Variants in OPCML observed in about 807,000 individuals in gnomAD.
The protein encoded by OPCML is opioid-binding protein/cell adhesion molecule.
Under a neutral mutation model 37.8 loss-of-function variants are expected in OPCML, and 13 were observed. The ratio of observed to expected loss-of-function variants is 0.34; its 90% confidence interval spans 0.22 to 0.55. The LOEUF (loss-of-function observed/expected upper bound fraction) is 0.55. OPCML is among the 20% of genes least tolerant of loss of function. The pLI is 0.91. For synonymous variants in OPCML, 176 were observed against 168.8 expected (o/e 1.04, Z -0.33); for missense variants, 341 against 435.6 (o/e 0.78, Z 1.93).
chr11:132,437,103 G>T (rs1185204397), intron 5 of OPCML, 119 bp downstream of exon 5: 28 of 1,465,160 alleles, frequency 1.9e-5, no homozygotes, highest in Non-Finnish European at 2.5e-5. Context: ...ATCTGATGAA[G>T]TATTTTCCTG....
intron 1 of OPCML, among the ~76,000 whole-genome samples, chr11:133,396,467 C>T (rs1473597842): frequency 6.6e-6 from 1 of 152,084 alleles, no homozygotes; most frequent in Admixed American, 6.5e-5. Context: ...GGCTAAGGGA[C>T]ACGATTTGTC....
chr11:132,704,538 A>G (rs1943956323), intron 2 of OPCML, among the ~76,000 whole-genome samples: 2 of 152,226 alleles, frequency 1.3e-5, no homozygotes, highest in Non-Finnish European at 2.9e-5. Flanking sequence ...ATTGGAATGG[A>G]ATAGGTAAAT....
At chr11:133,519,207 C>T (rs1043794004) in intron 1 of OPCML, among the ~76,000 whole-genome samples, 1 of 152,194 alleles carries the variant, frequency 6.6e-6, no homozygotes, top group Non-Finnish European at 1.5e-5. Flanking sequence ...CACTTTCTTC[C>T]TAACTTTCTG....
intron 1 of OPCML, among the ~76,000 whole-genome samples, chr11:133,325,315 C>T (rs1266826383): frequency 2.0e-5 from 3 of 152,166 alleles, no homozygotes; most frequent in Admixed American, 6.5e-5. Context: ...ATTAGATTGC[C>T]GGATGGCATT....
intron 4 of OPCML, among the ~76,000 whole-genome samples, chr11:132,490,996 A>C (rs2096214038): frequency 6.6e-6 from 1 of 151,998 alleles, no homozygotes; most frequent in African/African-American, 2.4e-5. Context: ...CCTCGGACTC[A>C]CTTTTGAGTC....
intron 1 of OPCML, among the ~76,000 whole-genome samples, chr11:133,476,131 T>C (rs940288465): frequency 6.6e-6 from 1 of 152,218 alleles, no homozygotes; most frequent in Non-Finnish European, 1.5e-5. Context: ...GACCAAGGCA[T>C]GTCTGGAAAA....
At chr11:132,564,441 C>T (rs2096417660) in intron 3 of OPCML, among the ~76,000 whole-genome samples, 1 of 152,194 alleles carries the variant, frequency 6.6e-6, no homozygotes, top group Admixed American at 6.5e-5. Context: ...AATCAGAGAA[C>T]ACATCTCTTA....
chr11:133,494,170 G>A (rs972970085), intron 1 of OPCML, among the ~76,000 whole-genome samples: 2 of 152,144 alleles, frequency 1.3e-5, no homozygotes, highest in South Asian at 2.1e-4. Context: ...ACCACAATGA[G>A]ATACCATCTC....
intron 1 of OPCML, among the ~76,000 whole-genome samples, chr11:133,479,906 T>G (rs1383767536): frequency 3.3e-5 from 5 of 152,210 alleles, no homozygotes; most frequent in African/African-American, 1.2e-4. Flanking sequence ...AGCACTGATC[T>G]CTAAGCTTGC....
At position 133,429,783 on chromosome 11, in the gene OPCML, A is replaced by C. The variant is rs530838367; in HGVS notation, c.61+102481T>G. 7.9e-5 allele frequency among the ~76,000 whole-genome samples: 12 copies of C among 152,284 alleles called. No individual in the cohort carries two copies. In the South Asian group the frequency reaches 2.3e-3, roughly 29 times the overall value. On this transcript the variant is annotated intron_variant, in intron 1 of 7. Coordinates refer to ENST00000524381, the MANE Select transcript of OPCML (RefSeq NM_001012393.5). ...TGACCTCACAAAAAGCGGCCTTGGA[A>C]AGATCAGGAATTTAATTTGGGCTAT...
intron 1 of OPCML, among the ~76,000 whole-genome samples, chr11:133,232,473 C>T (rs1940321921): frequency 1.3e-5 from 2 of 151,728 alleles, no homozygotes; most frequent in Non-Finnish European, 2.9e-5. Flanking sequence ...AAGTGTGATG[C>T]ATTATAAAGT....
chr11:132,691,394 CTT>C (rs1459422103), intron 2 of OPCML, among the ~76,000 whole-genome samples: 1 of 152,186 alleles, frequency 6.6e-6, no homozygotes, highest in Non-Finnish European at 1.5e-5. Flanking sequence ...ATAATGGTCT[CTT>C]GGTTTTCACA....
chr11:132,705,646 T>C (rs1328739517), intron 2 of OPCML, among the ~76,000 whole-genome samples: 1 of 152,072 alleles, frequency 6.6e-6, no homozygotes, highest in Admixed American at 6.5e-5. Flanking sequence ...CCGCCCTTGC[T>C]CCTGCTTTTG....
At chr11:133,006,748 A>T in intron 1 of OPCML, 1 of 985,446 alleles carries the variant, frequency 1.0e-6, no homozygotes, top group Non-Finnish European at 1.2e-6. Flanking sequence ...GTGAACACCT[A>T]GACATTGGCC....
At chr11:133,356,749 G>T (rs765733127) in intron 1 of OPCML, among the ~76,000 whole-genome samples, 2 of 152,264 alleles carry the variant, frequency 1.3e-5, no homozygotes, top group African/African-American at 4.8e-5. Context: ...ACAAATTCAC[G>T]GTGTCACAGG....
intron 2 of OPCML, among the ~76,000 whole-genome samples, chr11:132,714,043 A>G (rs1944373683): frequency 6.6e-6 from 1 of 152,204 alleles, no homozygotes; most frequent in African/African-American, 2.4e-5. Context: ...AAAATTTGAA[A>G]TTGTTTATGA....
At chr11:133,204,884 A>G (rs375440389) in intron 1 of OPCML, among the ~76,000 whole-genome samples, 2,880 of 36,196 alleles carry the variant, frequency 0.08, 168 homozygotes, top group African/African-American at 0.23. Flanking sequence ...ATATATATAT[A>G]TATATATATA....
chr11:132,842,258 C>T (rs1449559339), intron 2 of OPCML, among the ~76,000 whole-genome samples: 1 of 152,162 alleles, frequency 6.6e-6, no homozygotes, highest in Non-Finnish European at 1.5e-5. Flanking sequence ...CTTCCTCTCA[C>T]GCCGCACGTT....
intron 2 of OPCML, among the ~76,000 whole-genome samples, chr11:132,682,583 A>G (rs1040750072): frequency 2.6e-5 from 4 of 152,220 alleles, no homozygotes; most frequent in Non-Finnish European, 4.4e-5. Flanking sequence ...AGGTCTGCTT[A>G]TGGCAAACTC....
Sources: allele counts gnomAD v4.1 joint callset (sites outside exome capture counted in the v4.1 genomes callset), GRCh38; gene constraint gnomAD v4.1.1; transcripts MANE v1.5; gene names NCBI Gene and HGNC (gene_info 2026-07-23, HGNC 2026-07-21).